Variants in WNK2 observed in about 807,000 individuals in gnomAD.
WNK2 encodes WNK lysine deficient protein kinase 2.
WNK2 carries 67 observed loss-of-function variants against 192.1 expected under a neutral mutation model. The observed-to-expected ratio is 0.35, with a 90% CI of 0.29 to 0.43. WNK2 has a LOEUF of 0.43. Ranked by LOEUF, WNK2 falls within the 20% of genes least tolerant of loss-of-function variation. WNK2 has a pLI of 1.00. For missense variants in WNK2, 2,698 were observed against 3,089.7 expected (o/e 0.87, Z 3.01); for synonymous variants, 1,439 against 1,393.9 (o/e 1.03, Z -0.72).
At chr9:93,264,528 A>G (rs1363699185) in intron 16 of WNK2, among the ~76,000 whole-genome samples, 1 of 151,078 alleles carries the variant, frequency 6.6e-6, no homozygotes, top group Non-Finnish European at 1.5e-5. Flanking sequence ...GTCCATGAGC[A>G]CCTTGTAGGC....
At chr9:93,243,933 C>A (rs1281249978) in intron 7 of WNK2, among the ~76,000 whole-genome samples, 1 of 152,228 alleles carries the variant, frequency 6.6e-6, no homozygotes, top group African/African-American at 2.4e-5. Context: ...TGCTCTTCTT[C>A]CTAAAATCTG....
At chr9:93,309,557 G>A (rs1221542380) in intron 28 of WNK2, among the ~76,000 whole-genome samples, 2 of 152,156 alleles carry the variant, frequency 1.3e-5, no homozygotes, top group Non-Finnish European at 1.5e-5. Context: ...GATTTACAGT[G>A]ATGTCCTGAT....
At chr9:93,242,014 T>TG (rs1840858188) in intron 7 of WNK2, among the ~76,000 whole-genome samples, 1 of 152,130 alleles carries the variant, frequency 6.6e-6, no homozygotes, top group Admixed American at 6.5e-5. Flanking sequence ...AGCTGTAGGA[T>TG]GGGGTGTTCC....
intron 29 of WNK2, 163 bp downstream of exon 29, chr9:93,317,794 T>C: frequency 1.4e-6 from 2 of 1,481,156 alleles, no homozygotes; most frequent in Non-Finnish European, 1.8e-6. Context: ...GTGCTGCCAG[T>C]CTTCTTGCAG....
intron 11 of WNK2, among the ~76,000 whole-genome samples, chr9:93,258,341 A>T (rs1396542265): frequency 3.3e-5 from 5 of 152,226 alleles, no homozygotes; most frequent in African/African-American, 9.7e-5. Context: ...GCTGGACAGG[A>T]TAGGGGTGTC....
intron 9 of WNK2, among the ~76,000 whole-genome samples, chr9:93,255,986 C>CGGTCCTCGGG: frequency 6.6e-6 from 1 of 152,204 alleles, no homozygotes; most frequent in Non-Finnish European, 1.5e-5. Flanking sequence ...TGAGCTTCCC[C>CGGTCCTCGGG]AGTTTAATGT....
At chr9:93,318,531 C>T (rs1267886758) in intron 29 of WNK2, 2 of 1,613,954 alleles carry the variant, frequency 1.2e-6, no homozygotes, top group East Asian at 2.2e-5. Flanking sequence ...GCAGACATGC[C>T]CCCCATGCCA....
At chr9:93,200,071 A>G (rs990429654) in intron 2 of WNK2, among the ~76,000 whole-genome samples, 1 of 152,062 alleles carries the variant, frequency 6.6e-6, no homozygotes, top group Non-Finnish European at 1.5e-5. Context: ...TGCCTGGCTT[A>G]GTCTCAGCCT....
At chr9:93,244,181 G>A (rs931421969) in intron 7 of WNK2, among the ~76,000 whole-genome samples, 1 of 152,222 alleles carries the variant, frequency 6.6e-6, no homozygotes, top group African/African-American at 2.4e-5. Flanking sequence ...GAAGGACCCC[G>A]AGGGTGGGAG....
At chr9:93,228,898 G>A (rs531063307) in intron 2 of WNK2, among the ~76,000 whole-genome samples, 168 of 152,274 alleles carry the variant, frequency 1.1e-3, no homozygotes, top group African/African-American at 3.9e-3. Context: ...GAGTCAGAGG[G>A]GAGAGGTGGA....
intron 10 of WNK2, chr9:93,256,737 C>G: frequency 1.5e-6 from 1 of 678,400 alleles, no homozygotes; most frequent in South Asian, 2.0e-5. Flanking sequence ...TCTGCTGTGC[C>G]CTGGCTCCAG....
chr9:93,262,075 A>G lies in WNK2; in HGVS notation c.3328A>G (p.Thr1110Ala), dbSNP rs770372887. ...GCCCGGGATCGCCAGCCCTTGCCCA[A>G]CTGTCCAGCTGACGGTGGAACCAGT... Reference protein sequence around the residue: ...GGPGIASPCPTVQLTVEPVQE... With the variant: ...GGPGIASPCPAVQLTVEPVQE... Residue 1110 changes from threonine (T) to alanine (A), a missense_variant, in exon 13 of 30, where the codon ACT becomes GCT. Physicochemically the swap from Thr to Ala is moderately conservative, Grantham distance 58 (BLOSUM62 0). Around this residue, in one of 7 missense-constraint regions of WNK2, gnomAD observed 893 missense variants for 909.0 expected, o/e 0.98. Coordinates refer to ENST00000427277, the MANE Select transcript of WNK2 (RefSeq NM_006648.4). 4 of 1,607,578 alleles carry G rather than the reference A, an allele frequency of 2.5e-6. No individual in the cohort carries two copies. In the African/African-American group the frequency reaches 4.0e-5, roughly 16 times the overall value.
In WNK2 at chr9:93,185,320, G is replaced by A; in HGVS notation, c.391G>A (p.Ala131Thr). The A allele has an allele frequency of 6.6e-7, 1 of 1,520,422 alleles. No individual in the cohort carries two copies. Among genetic ancestry groups the A allele is most frequent in the African/African-American group, 1.4e-5 (1 of 72,462 alleles). The allele number at this position is 1,520,422 out of a possible 1,614,324, so 94.2% of individuals were successfully genotyped here. A position where few individuals can be genotyped will look rare whatever the true frequency, so the allele number is the denominator to read the frequency against. ...TQEPGPDPIA[A>T]AVETAPAPDG... ...GGAGCCCGGCCCGGACCCCATCGCA[G>A]CCGCTGTCGAAACCGCGCCTGCCCC... is the stretch of plus-strand genomic sequence containing the variant. Residue 131 changes from alanine to threonine, a missense_variant, in exon 2 of 30, where the codon GCC becomes ACC. By Grantham distance (58) the Ala-to-Thr change is moderately conservative (BLOSUM62 0). Transcript: ENST00000427277.
In WNK2 at chr9:93,259,826, C is replaced by T. The variant is rs75052486; in HGVS notation, c.3066+212C>T. ...CGTTTTCCGAATGGGTCAGGAGATGCAGGAGTCCGTGCCTGATAGGTTCTG... is the reference window on the plus strand; with the variant it reads ...CGTTTTCCGAATGGGTCAGGAGATGTAGGAGTCCGTGCCTGATAGGTTCTG... On this transcript the variant is annotated intron_variant, in intron 12 of 29. Coordinates refer to ENST00000427277, the MANE Select transcript of WNK2 (RefSeq NM_006648.4). This position sits in a 1 kb window ranked among gnomAD's most constrained non-coding sequence, Gnocchi z 4.8. Among the ~76,000 whole-genome samples, 1,464 of 152,340 alleles carry T rather than the reference C, an allele frequency of 9.6e-3. 24 individuals are homozygous for T. The highest frequency in any genetic ancestry group is 0.048 in the East Asian group (247 of 5,164).
chr9:93,266,441 A>G (rs1288627216), intron 16 of WNK2, among the ~76,000 whole-genome samples: 1 of 152,260 alleles, frequency 6.6e-6, no homozygotes, highest in African/African-American at 2.4e-5. Flanking sequence ...TATTCTCAAC[A>G]TACTTGAAAA....
At chr9:93,223,454 CTG>C (rs1208884609) in intron 2 of WNK2, among the ~76,000 whole-genome samples, 4 of 152,232 alleles carry the variant, frequency 2.6e-5, no homozygotes, top group African/African-American at 9.6e-5. Context: ...GGTGCCCTGA[CTG>C]GTAATTTTTG....
chr9:93,232,433 G>T (rs774180957), intron 4 of WNK2, among the ~76,000 whole-genome samples: 6 of 152,204 alleles, frequency 3.9e-5, no homozygotes, highest in African/African-American at 1.4e-4. Context: ...GCCCAGGACC[G>T]TGGAGAGCCC....
At chr9:93,287,680 A>T (rs1848651103) in intron 19 of WNK2, among the ~76,000 whole-genome samples, 1 of 152,186 alleles carries the variant, frequency 6.6e-6, no homozygotes, top group Non-Finnish European at 1.5e-5. Flanking sequence ...GAGGGAGGGC[A>T]TCAGGGTCCT....
Position 93,289,101 on chromosome 9 carries a change from C to G in WNK2, c.4347C>G (p.Leu1449=), listed in dbSNP as rs143402775. The G allele has an allele frequency of 1.2e-6, 2 of 1,608,388 alleles. No homozygotes were observed. Among genetic ancestry groups the G allele is most frequent in the East Asian group, 4.5e-5 (2 of 44,686 alleles). ...THEAPLAVQP[L]VVGLAPCTPA... is the part of the protein sequence containing the mutation. ...AGGCCCCGCTTGCTGTGCAGCCCCTCGTGGTGGGCCTAGCACCTTGCACTC... is the reference window on the plus strand; with the variant it reads ...AGGCCCCGCTTGCTGTGCAGCCCCTGGTGGTGGGCCTAGCACCTTGCACTC... Residue 1449 remains leucine, a synonymous_variant, in exon 20 of 30, where the codon CTC becomes CTG. Coordinates refer to ENST00000427277, the MANE Select transcript of WNK2 (RefSeq NM_006648.4).
Sources: allele counts gnomAD v4.1 joint callset (sites outside exome capture counted in the v4.1 genomes callset), GRCh38; gene constraint gnomAD v4.1.1; regional missense constraint gnomAD v4.1.1; non-coding constraint Gnocchi (gnomAD v3.1); transcripts MANE v1.5; gene names NCBI Gene and HGNC (gene_info 2026-07-23, HGNC 2026-07-21).